DCAF6: variants seen among roughly 807,000 people sequenced by gnomAD.
DCAF6 encodes DDB1 and CUL4 associated factor 6.
DCAF6 carries 54 observed loss-of-function variants against 125.1 expected under a neutral mutation model. That is an observed-to-expected ratio of 0.43 (90% CI 0.35 to 0.54). The LOEUF is 0.54. Ranked by LOEUF, DCAF6 falls within the 20% of genes least tolerant of loss-of-function variation. The probability of loss-of-function intolerance (pLI) is 0.01; values close to 1 mark genes in which losing one functional copy is unlikely to be tolerated. For synonymous variants in DCAF6, 371 were observed against 390.4 expected (o/e 0.95, Z 0.58); for missense variants, 934 against 1,161.7 (o/e 0.80, Z 2.85).
the DCAF6 span, among the ~76,000 whole-genome samples, chr1:167,886,783 A>G: frequency 6.6e-6 from 1 of 152,224 alleles, no homozygotes; most frequent in East Asian, 1.9e-4. Flanking sequence ...GAAAATTTTT[A>G]CAATCTACCC....
intron 4 of DCAF6, among the ~76,000 whole-genome samples, chr1:167,983,803 G>A (rs1679545432): frequency 6.6e-6 from 1 of 152,160 alleles, no homozygotes; most frequent in Non-Finnish European, 1.5e-5. Flanking sequence ...CAACTGTGAT[G>A]TTAAATCATT....
intron 21 of DCAF6, among the ~76,000 whole-genome samples, chr1:168,073,919 A>T (rs1310442805): frequency 1.3e-5 from 2 of 150,176 alleles, no homozygotes; most frequent in African/African-American, 2.4e-5. Flanking sequence ...TGATCTATAA[A>T]GGTCTATTCA....
the DCAF6 span, chr1:167,880,504 C>T: frequency 3.7e-6 from 6 of 1,613,648 alleles, no homozygotes; most frequent in East Asian, 8.9e-5. Flanking sequence ...ATTTTGTGGA[C>T]TTGAGAGCAG....
Position 168,075,661 on chromosome 1 carries a change from A to ATAC in DCAF6, c.*226_*227insTAC, listed in dbSNP as rs1693717331. 4.7e-6 allele frequency: 2 copies of ATAC among 428,302 alleles called. No homozygotes were observed. Among genetic ancestry groups the ATAC allele is most frequent in the Non-Finnish European group, 8.2e-6 (2 of 243,820 alleles). The allele number at this position is 428,302 out of a possible 1,614,324, so 26.5% of individuals were successfully genotyped here. The stretch of plus-strand genomic sequence containing the variant: ...TTTTTAAAACTTTTTGCCGTGTATG[A>ATAC]GGAGTGCTAGAAAATGCAAAGTGCA... On this transcript the variant is annotated 3_prime_UTR_variant, in exon 22 of 22. Coordinates refer to ENST00000367840, the MANE Select transcript of DCAF6 (RefSeq NM_001198956.2).
At chr1:167,933,326 C>A (rs910012011), upstream of DCAF6, among the ~76,000 whole-genome samples, 1 of 152,114 alleles carries the variant, frequency 6.6e-6, no homozygotes, top group African/African-American at 2.4e-5. Flanking sequence ...CGCCACTACA[C>A]CCGGCTAATT....
In DCAF6 at chr1:167,955,309, G is replaced by T. The variant is rs1438433241; in HGVS notation, c.159+3448G>T. ...AAATACCTTTGAGTGGAATGAATGG[G>T]TCATATGGTAGGTACCTGCTTAACT... On this transcript the variant is annotated intron_variant, in intron 2 of 21. Transcript: ENST00000367840. 2.6e-5 allele frequency among the ~76,000 whole-genome samples: 4 copies of T among 152,124 alleles called. No individual in the cohort carries two copies. The East Asian group carries it at 7.7e-4, about 29-fold the overall frequency.
intron 7 of DCAF6, among the ~76,000 whole-genome samples, chr1:167,994,306 C>G (rs568078423): frequency 1.3e-5 from 2 of 151,974 alleles, no homozygotes. Flanking sequence ...CAAGAAAGAT[C>G]AACAGTGCTA....
the DCAF6 span, among the ~76,000 whole-genome samples, chr1:167,896,024 A>G: frequency 6.6e-6 from 1 of 152,240 alleles, no homozygotes; most frequent in South Asian, 2.1e-4. Flanking sequence ...AGCATAAGCT[A>G]TGGTCAACCA....
chr1:168,044,607 G>A lies in DCAF6; in HGVS notation c.1866G>A (p.Glu622=), dbSNP rs1688934219. 1 of 1,612,860 alleles carries A rather than the reference G, an allele frequency of 6.2e-7. No individual in the cohort carries two copies. The highest frequency in any genetic ancestry group is 1.1e-5 in the South Asian group (1 of 91,046). ...CAGAAGCTCCTGAAGAATCATCAGAGGATGTGACAAAATATCAGGAAGGAG... is the reference window on the plus strand; with the variant it reads ...CAGAAGCTCCTGAAGAATCATCAGAAGATGTGACAAAATATCAGGAAGGAG... ...SETKAPEESS[E]DVTKYQEGVS... Residue 622 remains glutamate (E), a synonymous_variant, in exon 15 of 22, where the codon GAG becomes GAA. Coordinates refer to ENST00000367840, the MANE Select transcript of DCAF6 (RefSeq NM_001198956.2).
intron 16 of DCAF6, among the ~76,000 whole-genome samples, chr1:168,045,895 A>G (rs890946526): frequency 6.6e-6 from 1 of 152,126 alleles, no homozygotes; most frequent in Non-Finnish European, 1.5e-5. Flanking sequence ...TATTTCTATT[A>G]TTAGTGCTAT....
At chr1:167,974,028 G>C (rs1274928059) in intron 3 of DCAF6, among the ~76,000 whole-genome samples, 1 of 152,158 alleles carries the variant, frequency 6.6e-6, no homozygotes, top group Non-Finnish European at 1.5e-5. Flanking sequence ...TTTCACATAA[G>C]CTTGTTTGTA....
At chr1:167,878,549 TC>T in the DCAF6 span, 2 of 1,614,174 alleles carry the variant, frequency 1.2e-6, no homozygotes, top group East Asian at 4.5e-5. Flanking sequence ...GGTAGGTTGC[TC>T]CCATTGTAGG....
chr1:167,985,646 C>G (rs1337552619), intron 4 of DCAF6, among the ~76,000 whole-genome samples: 1 of 152,052 alleles, frequency 6.6e-6, no homozygotes, highest in Non-Finnish European at 1.5e-5. Flanking sequence ...GTAAAGTATT[C>G]GTAGGTTCTA....
chr1:168,031,220 A>G (rs1001864302), intron 12 of DCAF6, among the ~76,000 whole-genome samples: 7 of 152,240 alleles, frequency 4.6e-5, no homozygotes, highest in African/African-American at 1.7e-4. Flanking sequence ...GAGCTAAAAC[A>G]TCTCAAGAAA....
the DCAF6 span, among the ~76,000 whole-genome samples, chr1:167,929,176 T>C: frequency 1.5e-4 from 22 of 150,792 alleles, no homozygotes; most frequent in African/African-American, 5.4e-4. Flanking sequence ...CTGACCAACA[T>C]GGAGAAACCC....
intron 18 of DCAF6, among the ~76,000 whole-genome samples, chr1:168,064,232 A>G (rs983688268): frequency 6.6e-6 from 1 of 152,038 alleles, no homozygotes; most frequent in African/African-American, 2.4e-5. Flanking sequence ...TGTTTTAGTG[A>G]CTTACCAGAT....
intron 4 of DCAF6, among the ~76,000 whole-genome samples, chr1:167,976,892 T>TG (rs1678298205): frequency 2.2e-5 from 2 of 90,644 alleles, no homozygotes; most frequent in Non-Finnish European, 4.2e-5. Context: ...AGCAGTTTTT[T>TG]TTTTTTTTTT....
At chr1:167,890,012 T>C in the DCAF6 span, among the ~76,000 whole-genome samples, 1 of 152,366 alleles carries the variant, frequency 6.6e-6, no homozygotes, top group East Asian at 1.9e-4. Context: ...ACAGCTTTTT[T>C]GAATTACCTG....
intron 4 of DCAF6, among the ~76,000 whole-genome samples, chr1:167,981,379 C>T (rs748781948): frequency 6.6e-5 from 10 of 151,792 alleles, no homozygotes; most frequent in Non-Finnish European, 1.3e-4. Flanking sequence ...CATTTTTTTC[C>T]TCAACTTTTA....
Sources: gnomAD v4.1 joint callset for allele counts (sites outside exome capture counted in the v4.1 genomes callset) on GRCh38, gnomAD v4.1.1 for gene constraint, MANE v1.5 for transcripts, NCBI Gene and HGNC (gene_info 2026-07-23, HGNC 2026-07-21) for gene names.